Variants in LPP observed in about 807,000 individuals in gnomAD.
LPP encodes the protein LIM domain containing preferred translocation partner in lipoma.
LPP carries 38 observed loss-of-function variants against 60.4 expected under a neutral mutation model. The ratio of observed to expected loss-of-function variants is 0.63; its 90% CI spans 0.49 to 0.83. The LOEUF is 0.83. Among genes scored for constraint, LPP ranks in the 40% least tolerant of loss-of-function variants. The pLI is 0.00. For synonymous variants in LPP, 328 were observed against 290.8 expected (o/e 1.13, Z -1.30); for missense variants, 902 against 783.6 (o/e 1.15, Z -1.80).
chr3:188,824,539 C>T (rs1754870064), intron 9 of LPP, among the ~76,000 whole-genome samples: 3 of 151,958 alleles, frequency 2.0e-5, no homozygotes. Context: ...CCGTGTAGGG[C>T]ACTGGGAATT....
chr3:188,372,304 T>A (rs890539300), intron 3 of LPP, among the ~76,000 whole-genome samples: 1 of 152,182 alleles, frequency 6.6e-6, no homozygotes, highest in African/African-American at 2.4e-5. Context: ...TTTATGGTAT[T>A]CCTTACTATA....
chr3:188,298,154 A>C (rs189713157), intron 2 of LPP, among the ~76,000 whole-genome samples: 10 of 152,260 alleles, frequency 6.6e-5, no homozygotes, highest in African/African-American at 2.2e-4. Flanking sequence ...ATCCTGCCCA[A>C]ATTTCCCAAT....
At chr3:188,313,184 T>A (rs1753994798) in intron 2 of LPP, among the ~76,000 whole-genome samples, 1 of 152,234 alleles carries the variant, frequency 6.6e-6, no homozygotes, top group Non-Finnish European at 1.5e-5. Flanking sequence ...TTCTGTTCTA[T>A]TCATCTGTCA....
At chr3:188,699,188 C>T (rs1398272703) in intron 7 of LPP, among the ~76,000 whole-genome samples, 1 of 152,214 alleles carries the variant, frequency 6.6e-6, no homozygotes, top group African/African-American at 2.4e-5. Context: ...GTATCTTAGA[C>T]ATCAGGCCTA....
chr3:188,854,113 GAA>G (rs1763273641), intron 9 of LPP, among the ~76,000 whole-genome samples: 1 of 152,168 alleles, frequency 6.6e-6, no homozygotes, highest in African/African-American at 2.4e-5. Context: ...CAGAGACACT[GAA>G]AGAGTTAGTC....
chr3:188,360,632 C>G (rs979589337), intron 3 of LPP, among the ~76,000 whole-genome samples: 12 of 152,146 alleles, frequency 7.9e-5, no homozygotes, highest in African/African-American at 2.7e-4. Flanking sequence ...GCTGGGATTA[C>G]AGTCATGAGC....
At position 188,889,309 on chromosome 3, in the gene LPP, T is replaced by C. The variant is rs1771008448; in HGVS notation, c.*14830T>C. The C allele has an allele frequency of 4.3e-6, 1 of 231,568 alleles. No homozygotes were observed. Among genetic ancestry groups the C allele is most frequent in the Non-Finnish European group, 8.5e-6 (1 of 116,994 alleles). The allele number at this position is 231,568 out of a possible 1,614,324, so 14.3% of individuals were successfully genotyped here. A position where few individuals can be genotyped will look rare whatever the true frequency, so the allele number is the denominator to read the frequency against. On this transcript the variant is annotated 3_prime_UTR_variant, in exon 12 of 12. Transcript: ENST00000617246. ...AGAGTGATGCATTCTTACCCAGAGG[T>C]GGCAATAGGAGAGGGTCCATGTAAA...
chr3:188,503,473 AATG>A (rs1396806522), intron 5 of LPP, among the ~76,000 whole-genome samples: 2 of 152,162 alleles, frequency 1.3e-5, no homozygotes, highest in Non-Finnish European at 2.9e-5. Context: ...TCATGATTAC[AATG>A]ATGTTAGCTC....
chr3:188,603,514 G>A lies in LPP; in HGVS notation c.430-5647G>A, dbSNP rs559114779. 2.0e-4 allele frequency among the ~76,000 whole-genome samples: 30 copies of A among 152,108 alleles called. 1 individual carries two copies. The South Asian group carries it at 5.8e-3, about 29-fold the overall frequency. ...TCCTTGGGCAGTTACTTAATCTCTC[G>A]TCAATATCTTCTTCTGGAAAATGAG... On this transcript the variant is annotated intron_variant, in intron 6 of 11. Transcript: ENST00000617246.
At chr3:188,164,010 T>G (rs1208065854) in intron 1 of LPP, among the ~76,000 whole-genome samples, 2 of 151,970 alleles carry the variant, frequency 1.3e-5, no homozygotes, top group African/African-American at 4.8e-5. Context: ...AATTTAAGTT[T>G]GTTTGAAGGG....
intron 4 of LPP, among the ~76,000 whole-genome samples, chr3:188,439,343 A>T (rs1793191118): frequency 6.6e-6 from 1 of 152,248 alleles, no homozygotes; most frequent in Non-Finnish European, 1.5e-5. Context: ...CGACTTCTGC[A>T]AATGAGTTAC....
At chr3:188,471,540 C>A (rs1801846597) in intron 4 of LPP, among the ~76,000 whole-genome samples, 1 of 152,068 alleles carries the variant, frequency 6.6e-6, no homozygotes, top group Non-Finnish European at 1.5e-5. Context: ...AAGGGTTTTC[C>A]ACCTTTGTGA....
intron 3 of LPP, among the ~76,000 whole-genome samples, chr3:188,379,094 T>C (rs1035903280): frequency 3.9e-5 from 6 of 152,004 alleles, no homozygotes; most frequent in South Asian, 2.1e-4. Context: ...TTCTTTCTTT[T>C]TTTTTTTCTT....
chr3:188,667,334 C>T (rs558842033), intron 7 of LPP, among the ~76,000 whole-genome samples: 8 of 151,896 alleles, frequency 5.3e-5, no homozygotes, highest in African/African-American at 1.4e-4. Context: ...AAAAATTAGC[C>T]GGGCGTGGTG....
rs745373511 is a variant in LPP, at chr3:188,406,158, G to A, written c.38G>A (p.Gly13Asp). The change falls in exon 4 of 12, where the codon GGT becomes GAT. Residue 13 changes from glycine to aspartate, a missense_variant. Gly to Asp is a moderately conservative substitution (Grantham distance 94). Transcript: ENST00000617246. ...HPSWLPPKST[G>D]EPLGHVPARM... The stretch of plus-strand genomic sequence containing the variant: ...TCTTGGCTGCCACCCAAAAGCACTG[G>A]TGAGCCCCTCGGCCATGTGCCTGCA... 6.2e-7 allele frequency: 1 copy of A among 1,613,902 alleles called. No individual in the cohort carries two copies. Among genetic ancestry groups the A allele is most frequent in the Admixed American group, 1.7e-5 (1 of 59,988 alleles).
intron 6 of LPP, among the ~76,000 whole-genome samples, chr3:188,601,511 G>C (rs1042380403): frequency 2.0e-5 from 3 of 152,066 alleles, no homozygotes; most frequent in African/African-American, 7.2e-5. Context: ...TTCCTTCTAA[G>C]ACAAGTGGAG....
chr3:188,624,286 T>C (rs377108820), intron 7 of LPP, among the ~76,000 whole-genome samples: 31 of 152,164 alleles, frequency 2.0e-4, no homozygotes, highest in African/African-American at 7.0e-4. Flanking sequence ...AGAAAGGGTA[T>C]AGGAAAAAGG....
intron 1 of LPP, among the ~76,000 whole-genome samples, chr3:188,173,680 CTG>C (rs1722269190): frequency 1.3e-5 from 2 of 152,038 alleles, no homozygotes; most frequent in East Asian, 3.9e-4. Flanking sequence ...TTTTCTTCCC[CTG>C]ATTTATCTCC....
chr3:188,267,802 T>C (rs1418242755), intron 2 of LPP, among the ~76,000 whole-genome samples: 2 of 152,168 alleles, frequency 1.3e-5, no homozygotes, highest in African/African-American at 4.8e-5. Context: ...ATGCTCACTT[T>C]AGATGATTCT....
Sources: gnomAD v4.1 joint callset for allele counts (sites outside exome capture counted in the v4.1 genomes callset) on GRCh38, gnomAD v4.1.1 for gene constraint, MANE v1.5 for transcripts, NCBI Gene and HGNC (gene_info 2026-07-23, HGNC 2026-07-21) for gene names.